The following TMEM132D variants were observed in gnomAD, a reference collection of about 807,000 sequenced individuals.
TMEM132D encodes the protein transmembrane protein 132D, also known as mature OL transmembrane protein.
A neutral mutation model predicts 62.3 loss-of-function variants in TMEM132D; 21 were observed. The observed-to-expected ratio is 0.34, with a 90% CI of 0.24 to 0.49. The LOEUF (loss-of-function observed/expected upper bound fraction) is 0.49, where lower values mean the gene tolerates loss of function less well. TMEM132D is among the 20% of genes least tolerant of loss of function. The pLI is 0.99. For missense variants in TMEM132D, 1,346 were observed against 1,402.8 expected (o/e 0.96, Z 0.65); for synonymous variants, 621 against 575.6 (o/e 1.08, Z -1.13).
intron 5 of TMEM132D, among the ~76,000 whole-genome samples, chr12:129,108,434 T>C (rs988831833): frequency 6.6e-6 from 1 of 152,232 alleles, no homozygotes; most frequent in Non-Finnish European, 1.5e-5. Flanking sequence ...GACTCAGATC[T>C]CAAAGTCCTG....
Position 129,839,243 on chromosome 12 carries a change from C to T in TMEM132D, c.79+64018G>A, listed in dbSNP as rs1225838838. Among the ~76,000 whole-genome samples the T allele has an allele frequency of 3.4e-5, 5 of 147,984 alleles. 1 individual carries two copies. The highest frequency in any genetic ancestry group is 4.0e-4 in the East Asian group (2 of 5,050). On this transcript the variant is annotated intron_variant, in intron 1 of 8. Coordinates refer to ENST00000422113, the MANE Select transcript of TMEM132D (RefSeq NM_133448.3). ...CTCCTGGTTTCAAGCAATTCTTCTG[C>T]CTCAGCCTCCCGAGCAGCTGGGATT...
At chr12:129,351,384 C>G (rs796186878) in intron 3 of TMEM132D, among the ~76,000 whole-genome samples, 1 of 152,188 alleles carries the variant, frequency 6.6e-6, no homozygotes. Context: ...AAAGCCTTAG[C>G]CAAGCACACT....
At chr12:129,676,338 T>C (rs926469518) in intron 2 of TMEM132D, among the ~76,000 whole-genome samples, 2 of 152,230 alleles carry the variant, frequency 1.3e-5, no homozygotes, top group Non-Finnish European at 2.9e-5. Context: ...TATCTATTCA[T>C]CTAATCATAT....
chr12:129,281,088 C>T (rs1881132134), intron 4 of TMEM132D, among the ~76,000 whole-genome samples: 1 of 152,088 alleles, frequency 6.6e-6, no homozygotes, highest in Admixed American at 6.6e-5. Flanking sequence ...TCTATAGTAC[C>T]AACCAGGCCT....
chr12:129,507,599 A>G (rs769083112), intron 3 of TMEM132D, among the ~76,000 whole-genome samples: 1 of 152,200 alleles, frequency 6.6e-6, no homozygotes. Context: ...AAGTGAAGTA[A>G]CTCACGAATG....
At position 129,166,680 on chromosome 12, in the gene TMEM132D, T is replaced by TAC. The variant is rs1488503458; in HGVS notation, c.1443+42839_1443+42840insGT. The stretch of plus-strand genomic sequence containing the variant: ...TCCTGGGACTACGCAAGGACATATA[T>TAC]ATACACATACACACACACACACACA... On this transcript the variant is annotated intron_variant, in intron 5 of 8. Transcript: ENST00000422113. Among the ~76,000 whole-genome samples the TAC allele has an allele frequency of 8.5e-3, 646 of 76,354 alleles. 10 individuals carry two copies. The highest frequency in any genetic ancestry group is 0.06 in the East Asian group (166 of 2,780). The allele number at this position is 76,354 out of a possible 152,430, so 50.1% of individuals were successfully genotyped here.
At chr12:129,557,055 T>C (rs1877082791) in intron 2 of TMEM132D, among the ~76,000 whole-genome samples, 1 of 152,364 alleles carries the variant, frequency 6.6e-6, no homozygotes, top group South Asian at 2.1e-4. Context: ...CTAAATACCA[T>C]GGTGATTTGA....
intron 4 of TMEM132D, among the ~76,000 whole-genome samples, chr12:129,278,688 T>G (rs1479537598): frequency 6.6e-6 from 1 of 152,112 alleles, no homozygotes; most frequent in Non-Finnish European, 1.5e-5. Context: ...ATAAAGACAA[T>G]TTTGCCTTTT....
At chr12:129,512,551 A>G (rs1388566999) in intron 3 of TMEM132D, among the ~76,000 whole-genome samples, 2 of 152,218 alleles carry the variant, frequency 1.3e-5, no homozygotes, top group African/African-American at 4.8e-5. Flanking sequence ...ATAAATATTT[A>G]TTAGCTATAC....
At chr12:129,651,832 G>A (rs1188516060) in intron 2 of TMEM132D, among the ~76,000 whole-genome samples, 1 of 152,186 alleles carries the variant, frequency 6.6e-6, no homozygotes, top group Non-Finnish European at 1.5e-5. Flanking sequence ...TAGGAACTCT[G>A]CAAAATTGCC....
At chr12:129,081,658 A>G in intron 7 of TMEM132D, 101 bp downstream of exon 7, 1 of 1,459,086 alleles carries the variant, frequency 6.9e-7, no homozygotes, top group South Asian at 1.4e-5. Flanking sequence ...AAAAATAGAT[A>G]CCATTCCCAG....
At chr12:129,274,242 T>C (rs12826439) in intron 4 of TMEM132D, among the ~76,000 whole-genome samples, 53,581 of 150,342 alleles carry the variant, frequency 0.36, 9,793 homozygotes, top group African/African-American at 0.38. Flanking sequence ...AGCTTTTCAG[T>C]GGATAGGCCA....
intron 1 of TMEM132D, among the ~76,000 whole-genome samples, chr12:129,791,382 T>C (rs1312431279): frequency 6.6e-6 from 1 of 152,236 alleles, no homozygotes; most frequent in African/African-American, 2.4e-5. Context: ...AGACTATTAA[T>C]AGATGCCTAT....
intron 5 of TMEM132D, among the ~76,000 whole-genome samples, chr12:129,104,654 G>A (rs1296426130): frequency 6.6e-6 from 1 of 151,476 alleles, no homozygotes; most frequent in Admixed American, 6.6e-5. Flanking sequence ...CTGACAAAGG[G>A]CTAATATCCA....
chr12:129,580,009 C>G (rs550517716), intron 2 of TMEM132D, among the ~76,000 whole-genome samples: 2 of 152,116 alleles, frequency 1.3e-5, no homozygotes, highest in East Asian at 3.9e-4. Context: ...AAAGACAAGA[C>G]GCATCATCAC....
chr12:129,465,924 C>T (rs1295660372), intron 3 of TMEM132D, among the ~76,000 whole-genome samples: 1 of 152,136 alleles, frequency 6.6e-6, no homozygotes, highest in Non-Finnish European at 1.5e-5. Context: ...CTCAAGTGAT[C>T]CACCTGCCTC....
intron 4 of TMEM132D, among the ~76,000 whole-genome samples, chr12:129,213,171 G>A (rs553878856): frequency 2.6e-5 from 4 of 152,312 alleles, no homozygotes; most frequent in South Asian, 4.2e-4. Context: ...TATTCTGTGT[G>A]TGTGTCTTAG....
At chr12:129,443,497 C>T (rs1378096472) in intron 3 of TMEM132D, among the ~76,000 whole-genome samples, 2 of 152,258 alleles carry the variant, frequency 1.3e-5, no homozygotes, top group East Asian at 1.9e-4. Context: ...TGACGCAAGG[C>T]TGTCCTTGGA....
At chr12:129,372,568 G>A (rs1870646088) in intron 3 of TMEM132D, among the ~76,000 whole-genome samples, 1 of 141,930 alleles carries the variant, frequency 7.0e-6, no homozygotes, top group East Asian at 2.0e-4. Flanking sequence ...TCCACCTCCT[G>A]TCAGATCAGG....
Sources: gnomAD v4.1 joint callset for allele counts (sites outside exome capture counted in the v4.1 genomes callset) on GRCh38, gnomAD v4.1.1 for gene constraint, MANE v1.5 for transcripts, NCBI Gene and HGNC (gene_info 2026-07-23, HGNC 2026-07-21) for gene names.